Variants in APOL6 observed in about 807,000 individuals in gnomAD.
APOL6 encodes apolipoprotein L6.
In APOL6, 1 loss-of-function variant was observed where a neutral mutation model predicts 2.4. That is an observed-to-expected ratio of 0.41 (90% CI 0.15 to 1.94). The LOEUF is 1.94. Ranked by LOEUF, APOL6 falls within the 30% of genes most tolerant of loss-of-function variation. The pLI is 0.30. For synonymous variants in APOL6, 189 were observed against 169.3 expected, an observed-to-expected ratio of 1.12 and a Z score of -0.90; for missense variants, 438 against 429.2, an observed-to-expected ratio of 1.02 and a Z score of -0.18.
chr22:35,659,104 T>C lies in APOL6; in HGVS notation c.540T>C (p.Tyr180=), dbSNP rs372885775. The C allele has an allele frequency of 1.1e-5, 18 of 1,614,010 alleles. No individual in the cohort carries two copies. Among genetic ancestry groups the C allele is most frequent in the Non-Finnish European group, 1.4e-5 (16 of 1,180,048 alleles). ...IIYNLRNTLK[Y]AKKNVRAFWK... Reference sequence around the variant, plus strand: ...ATAATCTTAGAAACACCTTGAAGTATGCCAAGAAAAACGTCCGTGCATTTT... The same window carrying C: ...ATAATCTTAGAAACACCTTGAAGTACGCCAAGAAAAACGTCCGTGCATTTT... The change falls in exon 3 of 3, where the codon TAT becomes TAC. Residue 180 remains tyrosine, a synonymous_variant. Coordinates refer to ENST00000409652, the MANE Select transcript of APOL6 (RefSeq NM_030641.4).
chr22:35,653,647 G>A (rs1458142838), intron 1 of APOL6, among the ~76,000 whole-genome samples: 2 of 152,158 alleles, frequency 1.3e-5, no homozygotes, highest in African/African-American at 4.8e-5. Context: ...CGAGAGAGGT[G>A]AAGGAAGGAG....
chr22:35,655,664 G>A (rs147117360), intron 1 of APOL6, among the ~76,000 whole-genome samples: 92 of 151,986 alleles, frequency 6.1e-4, no homozygotes, highest in African/African-American at 2.1e-3. Flanking sequence ...GCTATGTATG[G>A]GAGGAAAAGT....
At chr22:35,658,507 G>C (rs1418269311) in intron 2 of APOL6, 108 bp from the exon 3 acceptor site, 7 of 930,264 alleles carry the variant, frequency 7.5e-6, no homozygotes, top group African/African-American at 1.7e-5. Flanking sequence ...GATTTTGTAG[G>C]GAGGTACAGG....
Position 35,658,712 on chromosome 22 carries a change from A to C in APOL6, c.148A>C (p.Lys50Gln). ...KIFLREFPRL[K>Q]EDLKGNIDKL... ...ATTTTTGAGAGAATTTCCCAGATTG[A>C]AAGAAGATCTGAAAGGGAACATTGA... is the stretch of plus-strand genomic sequence containing the variant. Residue 50 changes from lysine to glutamine, a missense_variant, in exon 3 of 3, where the codon AAA (lysine) becomes CAA (glutamine). Physicochemically the swap from Lys to Gln is moderately conservative, Grantham distance 53. Transcript: ENST00000409652. 1.2e-6 allele frequency: 2 copies of C among 1,614,192 alleles called. No individual in the cohort carries two copies. Among genetic ancestry groups the C allele is most frequent in the Non-Finnish European group, 1.7e-6 (2 of 1,180,028 alleles).
At position 35,665,984 on chromosome 22, in the gene APOL6, T is replaced by C. The variant is rs1053228934; in HGVS notation, c.*6388T>C. 2.6e-5 allele frequency: 4 copies of C among 152,218 alleles called. No individual in the cohort carries two copies. Among genetic ancestry groups the C allele is most frequent in the South Asian group, 2.1e-4 (1 of 4,836 alleles). 9.4% of individuals were successfully genotyped at this position (152,218 alleles called of 1,614,324 possible). A position where few individuals can be genotyped will look rare whatever the true frequency, so the allele number is the denominator to read the frequency against. On this transcript the variant is annotated 3_prime_UTR_variant, in exon 3 of 3. Transcript: ENST00000409652. ...AAATGACATAATTTGGCTTATTTGG[T>C]ATAAAAATTATATAGGAAGCATTGT...
At chr22:35,654,004 G>T (rs1924774542) in intron 1 of APOL6, among the ~76,000 whole-genome samples, 1 of 152,188 alleles carries the variant, frequency 6.6e-6, no homozygotes, top group Non-Finnish European at 1.5e-5. Context: ...AAAACTCAGG[G>T]AAACACTTAT....
chr22:35,653,456 G>A (rs965827242), intron 1 of APOL6, among the ~76,000 whole-genome samples: 13 of 152,200 alleles, frequency 8.5e-5, no homozygotes, highest in African/African-American at 3.1e-4. Context: ...TGGTGAGAGA[G>A]GGCATCCCTG....
intron 2 of APOL6, among the ~76,000 whole-genome samples, chr22:35,657,942 A>G (rs552112093): frequency 1.1e-4 from 17 of 152,306 alleles, no homozygotes; most frequent in Non-Finnish European, 2.1e-4. Flanking sequence ...TCTTTGTCCC[A>G]AACTTCTTCC....
chr22:35,657,128 G>T (rs1408022497), intron 2 of APOL6, among the ~76,000 whole-genome samples: 1 of 152,208 alleles, frequency 6.6e-6, no homozygotes, highest in East Asian at 1.9e-4. Context: ...AAACTTTACA[G>T]TTCATACACA....
chr22:35,653,094 C>T (rs1924743501), intron 1 of APOL6, among the ~76,000 whole-genome samples: 1 of 150,974 alleles, frequency 6.6e-6, no homozygotes, highest in Admixed American at 6.6e-5. Flanking sequence ...TTGTAGTTCT[C>T]CTTGAAGAAG....
rs1479094699 is a variant in APOL6 at position 35,660,757 on chromosome 22, C to T, written c.*1161C>T. 2 of 152,310 alleles carry T rather than the reference C, an allele frequency of 1.3e-5. No homozygotes were observed. Among genetic ancestry groups the T allele is most frequent in the Non-Finnish European group, 1.5e-5 (1 of 68,078 alleles). 9.4% of individuals were successfully genotyped at this position (152,310 alleles called of 1,614,324 possible). ...CATGGCAGAAGGGGCAAACAAGCCCCCCTGGGCCTCTTTTATAAAGGCACT... is the reference window on the plus strand; with the variant it reads ...CATGGCAGAAGGGGCAAACAAGCCCTCCTGGGCCTCTTTTATAAAGGCACT... On this transcript the variant is annotated 3_prime_UTR_variant, in exon 3 of 3. Transcript: ENST00000409652.
At chr22:35,654,534 CTCTCTCTA>C (rs923423415) in intron 1 of APOL6, among the ~76,000 whole-genome samples, 1 of 140,742 alleles carries the variant, frequency 7.1e-6, no homozygotes, top group African/African-American at 2.9e-5. Context: ...CTCTCTCTCT[CTCTCTCTA>C]TATATATATA....
rs1167748648 is a variant in APOL6, at chr22:35,661,843, T to A, written c.*2247T>A. The A allele has an allele frequency of 6.6e-6, 1 of 152,134 alleles. No individual in the cohort carries two copies. Among genetic ancestry groups the A allele is most frequent in the African/African-American group, 2.4e-5 (1 of 41,410 alleles). 9.4% of individuals were successfully genotyped at this position (152,134 alleles called of 1,614,324 possible). A position where few individuals can be genotyped will look rare whatever the true frequency, so the allele number is the denominator to read the frequency against. ...CACTTAGGGTACACAAAATGCATAT[T>A]AAAACATTTTCTTCCTTCAGTATAT... On this transcript the variant is annotated 3_prime_UTR_variant, in exon 3 of 3. Coordinates refer to ENST00000409652, the MANE Select transcript of APOL6 (RefSeq NM_030641.4).
chr22:35,656,598 G>C, intron 2 of APOL6, 123 bp downstream of exon 2: 1 of 1,131,388 alleles, frequency 8.8e-7, no homozygotes, highest in Non-Finnish European at 1.3e-6. Flanking sequence ...TTATCTTACC[G>C]CTGGTCTCCA....
At chr22:35,651,455 C>G (rs544241799) in intron 1 of APOL6, among the ~76,000 whole-genome samples, 1 of 152,020 alleles carries the variant, frequency 6.6e-6, no homozygotes, top group Non-Finnish European at 1.5e-5. Context: ...TAATTTCACC[C>G]GGAGAAATGT....
rs1264507619 is a variant in APOL6, at chr22:35,660,759, CT to C, written c.*1164del. 2.0e-5 allele frequency: 3 copies of C among 152,430 alleles called. No homozygotes were observed. The highest frequency in any genetic ancestry group is 1.9e-4 in the East Asian group (1 of 5,186). The allele number at this position is 152,430 out of a possible 1,614,324, so 9.4% of individuals were successfully genotyped here. A position where few individuals can be genotyped will look rare whatever the true frequency, so the allele number is the denominator to read the frequency against. ...TGGCAGAAGGGGCAAACAAGCCCCCCTGGGCCTCTTTTATAAAGGCACTAAC... is the reference window on the plus strand; with the variant it reads ...TGGCAGAAGGGGCAAACAAGCCCCCCGGGCCTCTTTTATAAAGGCACTAAC... On this transcript the variant is annotated 3_prime_UTR_variant, in exon 3 of 3. Coordinates refer to ENST00000409652, the MANE Select transcript of APOL6 (RefSeq NM_030641.4).
chr22:35,664,409 G>A lies in APOL6; in HGVS notation c.*4813G>A, dbSNP rs1925113944. ...CAATAAGGAGGTTTGTTTTGGGAAA[G>A]GACTGTTATTGTCATTGTTTCGAAG... On this transcript the variant is annotated 3_prime_UTR_variant, in exon 3 of 3. Coordinates refer to ENST00000409652, the MANE Select transcript of APOL6 (RefSeq NM_030641.4). The A allele has an allele frequency of 6.6e-6, 1 of 152,202 alleles. No individual in the cohort carries two copies. The highest frequency in any genetic ancestry group is 1.5e-5 in the Non-Finnish European group (1 of 68,026). 9.4% of individuals were successfully genotyped at this position (152,202 alleles called of 1,614,324 possible).
chr22:35,652,149 T>C (rs1924713930), intron 1 of APOL6, among the ~76,000 whole-genome samples: 1 of 152,230 alleles, frequency 6.6e-6, no homozygotes, highest in Non-Finnish European at 1.5e-5. Context: ...TGATGGCCAG[T>C]GATGATGAGC....
rs2145959813 is a variant in APOL6, at chr22:35,660,954, T to A, written c.*1358T>A. ...ACAGATTAACAGGAGAAAAAGCATA[T>A]ACATTTTTTAATGTGGGCCAGATGG... is the stretch of plus-strand genomic sequence containing the variant. On this transcript the variant is annotated 3_prime_UTR_variant, in exon 3 of 3. Coordinates refer to ENST00000409652, the MANE Select transcript of APOL6 (RefSeq NM_030641.4). 1.3e-5 allele frequency: 2 copies of A among 152,300 alleles called. No homozygotes were observed. Among genetic ancestry groups the A allele is most frequent in the South Asian group, 4.1e-4 (2 of 4,832 alleles). 9.4% of individuals were successfully genotyped at this position (152,300 alleles called of 1,614,324 possible).
Sources: gnomAD v4.1 joint callset for allele counts (sites outside exome capture counted in the v4.1 genomes callset) on GRCh38, gnomAD v4.1.1 for gene constraint, MANE v1.5 for transcripts, NCBI Gene and HGNC (gene_info 2026-07-23, HGNC 2026-07-21) for gene names.